Variants in VWDE observed in about 807,000 individuals in gnomAD.
The protein encoded by VWDE is von Willebrand factor D and EGF domains.
In VWDE, 207 loss-of-function variants were observed where a neutral mutation model predicts 178.4. The ratio of observed to expected loss-of-function variants is 1.16; its 90% CI spans 1.04 to 1.30. The LOEUF (loss-of-function observed/expected upper bound fraction) is 1.30, where lower values mean the gene tolerates loss of function less well. Among genes scored for constraint, VWDE ranks in the 50% most tolerant of loss-of-function variants. VWDE has a pLI of 0.00. For missense variants in VWDE, 2,287 were observed against 1,901.3 expected (o/e 1.20, Z -3.77); for synonymous variants, 738 against 651.4 (o/e 1.13, Z -2.02).
intron 13 of VWDE, 49 bp from the exon 14 acceptor site, chr7:12,361,570 ATT>A: frequency 1.4e-6 from 2 of 1,449,682 alleles, no homozygotes; most frequent in Non-Finnish European, 1.8e-6. Flanking sequence ...TTATGGAAAT[ATT>A]TTGTTAGTAA....
At chr7:12,394,722 A>G (rs1032697714) in intron 1 of VWDE, among the ~76,000 whole-genome samples, 6 of 152,194 alleles carry the variant, frequency 3.9e-5, no homozygotes, top group Non-Finnish European at 7.3e-5. Flanking sequence ...TACTTATATT[A>G]TATTTATTGA....
At chr7:12,390,943 A>G (rs1465330219) in intron 2 of VWDE, among the ~76,000 whole-genome samples, 1 of 152,186 alleles carries the variant, frequency 6.6e-6, no homozygotes, top group Non-Finnish European at 1.5e-5. Flanking sequence ...ACATTCGTCA[A>G]TTGCAGAATT....
chr7:12,347,677 C>G (rs895525163), intron 19 of VWDE, among the ~76,000 whole-genome samples: 1 of 151,890 alleles, frequency 6.6e-6, no homozygotes, highest in African/African-American at 2.4e-5. Context: ...CAATGCCATC[C>G]CCATCAAGCT....
chr7:12,381,982 T>A (rs1783876440), intron 4 of VWDE, among the ~76,000 whole-genome samples: 1 of 151,848 alleles, frequency 6.6e-6, no homozygotes, highest in Non-Finnish European at 1.5e-5. Flanking sequence ...TTTGTTATAT[T>A]TAAAGAAAAA....
At chr7:12,354,384 T>C (rs1482517765) in intron 18 of VWDE, 1 of 442,040 alleles carries the variant, frequency 2.3e-6, no homozygotes, top group Non-Finnish European at 4.5e-6. Context: ...AAAATCCTTC[T>C]GGACATGAAC....
chr7:12,376,381 T>C (rs1283271229), intron 7 of VWDE, among the ~76,000 whole-genome samples: 2 of 152,046 alleles, frequency 1.3e-5, no homozygotes, highest in East Asian at 1.9e-4. Flanking sequence ...CAGAATGAAA[T>C]CCAGAATTTT....
Position 12,370,759 on chromosome 7 carries a change from A to C in VWDE, c.1693T>G (p.Cys565Gly), listed in dbSNP as rs1220562002. Residue 565 changes from cysteine (C) to glycine (G), a missense_variant, in exon 11 of 29, where the codon TGT (cysteine) becomes GGT (glycine). Transcript: ENST00000275358. ...TCCGGATTTTCATCAAAGGTTCCAC[A>C]AAGTCCCAGAGTGTTTCTGTAATCT... ...SVDYRNTLGL[C>G]GTFDENPEND... is the part of the protein sequence containing the mutation. 3.9e-6 allele frequency: 6 copies of C among 1,550,104 alleles called. No homozygotes were observed. Among genetic ancestry groups the C allele is most frequent in the Non-Finnish European group, 4.4e-6 (5 of 1,146,204 alleles).
In VWDE at chr7:12,370,468, G is replaced by T. The variant is rs1352445295; in HGVS notation, c.1838C>A (p.Ser613Tyr). ...GGATGGCTTTCCAGGTGATGTCATA[G>T]AAACTGGCAGTGTGTCAGACATGCT... is the stretch of plus-strand genomic sequence containing the variant. ...GKSMSDTLPV[S>Y]MTSPGKPSYC... The change falls in exon 12 of 29, where the codon TCT becomes TAT. Residue 613 changes from serine (S) to tyrosine (Y), a missense_variant. Transcript: ENST00000275358. The T allele has an allele frequency of 6.5e-7, 1 of 1,542,080 alleles. No individual in the cohort carries two copies. The highest frequency in any genetic ancestry group is 8.7e-7 in the Non-Finnish European group (1 of 1,146,498).
rs1262288322 is a variant in VWDE, at chr7:12,369,989, C to T, written c.2317G>A (p.Glu773Lys). ...TCTGGGAAAAAATAAGTAAGTTCTT[C>T]CAGATCCGTTTGGCTGAGACTCGGG... ...AFPSLSQTDL[E>K]ELTYFFPEDH... The change falls in exon 12 of 29, where the codon GAA becomes AAA. Residue 773 changes from glutamate (E) to lysine (K), a missense_variant. Coordinates refer to ENST00000275358, the MANE Select transcript of VWDE (RefSeq NM_001135924.3). 6.4e-7 allele frequency: 1 copy of T among 1,551,478 alleles called. No individual in the cohort carries two copies. The highest frequency in any genetic ancestry group is 8.7e-7 in the Non-Finnish European group (1 of 1,146,886).
chr7:12,332,650 A>C (rs77752763), intron 28 of VWDE, among the ~76,000 whole-genome samples: 3,796 of 152,234 alleles, frequency 0.025, 160 homozygotes, highest in African/African-American at 0.08. Flanking sequence ...ATAAGTACTC[A>C]ATAACTTTTG....
At chr7:12,397,063 A>G (rs1210973787) in intron 1 of VWDE, among the ~76,000 whole-genome samples, 1 of 152,210 alleles carries the variant, frequency 6.6e-6, no homozygotes, top group Non-Finnish European at 1.5e-5. Flanking sequence ...TTAGAAAAAA[A>G]AAACTATTCT....
rs1165912306 is a variant in VWDE at position 12,331,170 on chromosome 7, T to A, written c.*13A>T. 3.2e-6 allele frequency: 5 copies of A among 1,539,500 alleles called. No homozygotes were observed. Among genetic ancestry groups the A allele is most frequent in the Non-Finnish European group, 4.4e-6 (5 of 1,138,972 alleles). ...TTAAGATACAGGCTTGTAATTCATATACTTGATGCTACTCAATGGCGTCTT... is the reference window on the plus strand; with the variant it reads ...TTAAGATACAGGCTTGTAATTCATAAACTTGATGCTACTCAATGGCGTCTT... On this transcript the variant is annotated 3_prime_UTR_variant, in exon 29 of 29. Coordinates refer to ENST00000275358, the MANE Select transcript of VWDE (RefSeq NM_001135924.3).
intron 13 of VWDE, among the ~76,000 whole-genome samples, chr7:12,364,801 T>A (rs974253578): frequency 2.0e-5 from 3 of 152,094 alleles, no homozygotes; most frequent in African/African-American, 7.2e-5. Flanking sequence ...ATTTGCATAA[T>A]CTAAAAGTGT....
chr7:12,398,304 A>T (rs1325433680), intron 1 of VWDE, among the ~76,000 whole-genome samples: 4 of 152,166 alleles, frequency 2.6e-5, no homozygotes, highest in Admixed American at 2.6e-4. Flanking sequence ...AAAGTTTACA[A>T]CTGTCTTATC....
chr7:12,331,833 C>G (rs3815532), intron 28 of VWDE, among the ~76,000 whole-genome samples: 49,162 of 151,920 alleles, frequency 0.32, 8,971 homozygotes, highest in Admixed American at 0.45. Flanking sequence ...TGATGCTTCT[C>G]AAAGCCTTTT....
intron 1 of VWDE, 133 bp downstream of exon 1, chr7:12,403,526 A>T: frequency 1.3e-6 from 1 of 771,576 alleles, no homozygotes; most frequent in Non-Finnish European, 2.0e-6. Context: ...GAGGCGGGTG[A>T]GGAACAAACA....
chr7:12,335,645 C>T (rs1039667493), intron 27 of VWDE, among the ~76,000 whole-genome samples: 2 of 151,776 alleles, frequency 1.3e-5, no homozygotes, highest in South Asian at 2.1e-4. Context: ...TTAGTAGAGA[C>T]GGGGTTTCAC....
intron 2 of VWDE, among the ~76,000 whole-genome samples, chr7:12,392,988 A>T (rs1286100173): frequency 6.6e-6 from 1 of 152,150 alleles, no homozygotes; most frequent in South Asian, 2.1e-4. Flanking sequence ...ATAAGGCCAT[A>T]TGCCTCCAGA....
At chr7:12,339,942 G>C (rs141912877) in intron 24 of VWDE, among the ~76,000 whole-genome samples, 1 of 152,188 alleles carries the variant, frequency 6.6e-6, no homozygotes, top group East Asian at 1.9e-4. Context: ...AAGGTGAAAA[G>C]AGATTATGGG....
Sources: allele counts gnomAD v4.1 joint callset (sites outside exome capture counted in the v4.1 genomes callset), GRCh38; gene constraint gnomAD v4.1.1; transcripts MANE v1.5; gene names NCBI Gene and HGNC (gene_info 2026-07-23, HGNC 2026-07-21).